The following HDAC8 variants were observed in gnomAD, a reference collection of about 807,000 sequenced individuals.
HDAC8 encodes the protein histone deacetylase-like 1.
HDAC8 carries 1 observed loss-of-function variant against 32.2 expected under a neutral mutation model. The ratio of observed to expected loss-of-function variants is 0.03; its 90% CI spans 0.01 to 0.15. The LOEUF is 0.15. HDAC8 is among the 10% of genes least tolerant of loss of function. The pLI is 1.00. For synonymous variants in HDAC8, 108 were observed against 113.9 expected (o/e 0.95, Z 0.33); for missense variants, 117 against 300.0 (o/e 0.39, Z 4.51).
At chrX:72,465,607 C>G (rs938164704) in intron 7 of HDAC8, among the ~76,000 whole-genome samples, 1 of 111,554 alleles carries the variant, frequency 9.0e-6, no homozygotes, top group African/African-American at 3.3e-5. Flanking sequence ...AGAATATATA[C>G]CAGCCCTCAA....
At chrX:72,551,985 T>C (rs1556072761) in intron 4 of HDAC8, among the ~76,000 whole-genome samples, 3 of 112,150 alleles carry the variant, frequency 2.7e-5, no homozygotes, top group East Asian at 5.6e-4. Flanking sequence ...TATTCCTTCT[T>C]CTGGACACCA....
chrX:72,452,129 T>C (rs2047586099), intron 9 of HDAC8, among the ~76,000 whole-genome samples: 1 of 112,484 alleles, frequency 8.9e-6, no homozygotes, highest in Admixed American at 9.4e-5. Flanking sequence ...CCTGAAAAAC[T>C]TACAGAAAAA....
At chrX:72,415,864 A>G (rs1210257647) in intron 9 of HDAC8, among the ~76,000 whole-genome samples, 3 of 111,725 alleles carry the variant, frequency 2.7e-5, no homozygotes, top group Admixed American at 9.5e-5. Context: ...GAGATTTTCT[A>G]TGTACACAAT....
chrX:72,490,750 T>C (rs1164585161), intron 6 of HDAC8, among the ~76,000 whole-genome samples, 179 bp downstream of exon 6: 1 of 108,682 alleles, frequency 9.2e-6, no homozygotes, highest in African/African-American at 3.4e-5. Context: ...ACTTAAAGTA[T>C]AATAAAAAAG....
chrX:72,395,580 A>C (rs1410022775), intron 9 of HDAC8, among the ~76,000 whole-genome samples: 2 of 112,282 alleles, frequency 1.8e-5, no homozygotes, highest in East Asian at 5.6e-4. Flanking sequence ...TGCAGAGGTA[A>C]GGGAGGTTAT....
rs782646930 is a variant in HDAC8, at chrX:72,540,195, T to C, written c.437+27694A>G. Among the ~76,000 whole-genome samples the C allele has an allele frequency of 8.0e-5, 9 of 112,872 alleles. No individual in the cohort carries two copies. The South Asian group carries it at 3.3e-3, about 42-fold the overall frequency. ...TTAAGACTAAGGATCATGAGTGTTATCTTTATCAGCCAGGTTATGAACTCT... is the reference window on the plus strand; with the variant it reads ...TTAAGACTAAGGATCATGAGTGTTACCTTTATCAGCCAGGTTATGAACTCT... On this transcript the variant is annotated intron_variant, in intron 4 of 10. Transcript: ENST00000373573.
At chrX:72,563,777 T>C in intron 4 of HDAC8, among the ~76,000 whole-genome samples, 1 of 111,618 alleles carries the variant, frequency 9.0e-6, no homozygotes, top group Middle Eastern at 4.6e-3. Context: ...TAAGATTACC[T>C]GATCAAAGGG....
intron 7 of HDAC8, chrX:72,480,343 C>T (rs1486917875): frequency 3.1e-6 from 1 of 326,798 alleles, no homozygotes; most frequent in Non-Finnish European, 5.9e-6. Flanking sequence ...TTTATCAGTT[C>T]TTAGATTGTA....
At chrX:72,411,034 T>TC (rs11415327) in intron 9 of HDAC8, among the ~76,000 whole-genome samples, 2 of 103,910 alleles carry the variant, frequency 1.9e-5, no homozygotes, top group African/African-American at 7.2e-5. Context: ...TTCTTTCTTT[T>TC]TTTTTTTTTT....
rs139729797 is a variant in HDAC8, at chrX:72,438,677, C to A, written c.1005+23327G>T. Among the ~76,000 whole-genome samples the A allele has an allele frequency of 6.2e-3, 688 of 110,612 alleles. 6 individuals carry two copies. Among genetic ancestry groups the A allele is most frequent in the African/African-American group, 0.022 (659 of 30,417 alleles). The stretch of plus-strand genomic sequence containing the variant: ...AATTTCGTGAAGCATACACAAGTAT[C>A]AATAGCTGAACGGATCAAGTGGAAG... On this transcript the variant is annotated intron_variant, in intron 9 of 10. Transcript: ENST00000373573.
intron 9 of HDAC8, among the ~76,000 whole-genome samples, chrX:72,404,092 G>T (rs1470034855): frequency 9.0e-6 from 1 of 111,263 alleles, no homozygotes; most frequent in African/African-American, 3.3e-5. Context: ...TAAAGAAAAA[G>T]CTATATATTT....
chrX:72,458,417 T>C (rs1555990465), intron 9 of HDAC8, among the ~76,000 whole-genome samples: 1 of 112,511 alleles, frequency 8.9e-6, no homozygotes, highest in Admixed American at 9.4e-5. Flanking sequence ...TTCTGCCTTC[T>C]GAACTCCATT....
chrX:72,448,930 G>T (rs1433529234), intron 9 of HDAC8, among the ~76,000 whole-genome samples: 1 of 112,163 alleles, frequency 8.9e-6, no homozygotes, highest in Non-Finnish European at 1.9e-5. Flanking sequence ...GGAAACAACA[G>T]ATGCTGGAGA....
At chrX:72,404,643 G>T (rs1231197627) in intron 9 of HDAC8, among the ~76,000 whole-genome samples, 2 of 110,533 alleles carry the variant, frequency 1.8e-5, no homozygotes, top group Non-Finnish European at 3.8e-5. Flanking sequence ...ATTCCCCAAA[G>T]AATATATAAT....
In HDAC8 at chrX:72,329,647, G is replaced by A. The variant is rs2043463134; in HGVS notation, c.*407C>T. 2 of 1,179,562 alleles carry A rather than the reference G, an allele frequency of 1.7e-6. No homozygotes were observed. The highest frequency in any genetic ancestry group is 3.8e-5 in the South Asian group (2 of 53,269). On this transcript the variant is annotated 3_prime_UTR_variant, in exon 11 of 11. Coordinates refer to ENST00000373573, the MANE Select transcript of HDAC8 (RefSeq NM_018486.3). ...AGGGCTCCACCTGGATGGTCCTGAGGCCCAAACCCTGCCTGTCAGCTGCCT... is the reference window on the plus strand; with the variant it reads ...AGGGCTCCACCTGGATGGTCCTGAGACCCAAACCCTGCCTGTCAGCTGCCT...
chrX:72,562,894 T>C (rs901602535), intron 4 of HDAC8, among the ~76,000 whole-genome samples: 1 of 107,060 alleles, frequency 9.3e-6, no homozygotes, highest in Non-Finnish European at 1.9e-5. Context: ...TTTTTTTTTT[T>C]TTTCTGAGAC....
chrX:72,559,269 G>A (rs1181923914), intron 4 of HDAC8, among the ~76,000 whole-genome samples: 13 of 108,034 alleles, frequency 1.2e-4, no homozygotes, highest in Non-Finnish European at 2.3e-4. Context: ...ACGGGGTTTC[G>A]CTGTGTTGGC....
chrX:72,478,579 C>T (rs1871851633), intron 7 of HDAC8, among the ~76,000 whole-genome samples: 2 of 111,472 alleles, frequency 1.8e-5, no homozygotes, highest in Admixed American at 1.9e-4. Context: ...CTGGCACACA[C>T]ACGTGCCCTT....
chrX:72,347,157 T>G (rs1267451406), intron 10 of HDAC8, among the ~76,000 whole-genome samples: 2 of 111,677 alleles, frequency 1.8e-5, no homozygotes, highest in Non-Finnish European at 3.8e-5. Context: ...AAGTCACCTA[T>G]CCTCCCTGAG....
Sources: allele counts gnomAD v4.1 joint callset (sites outside exome capture counted in the v4.1 genomes callset), GRCh38; gene constraint gnomAD v4.1.1; transcripts MANE v1.5; gene names NCBI Gene and HGNC (gene_info 2026-07-23, HGNC 2026-07-21).